Variants in HEMK1 observed in about 807,000 individuals in gnomAD.
The protein encoded by HEMK1 is HemK methyltransferase 1, mitochondrial release factors N(5)-glutamine, also known as MTRF1L release factor glutamine methyltransferase.
A neutral mutation model predicts 47.9 loss-of-function variants in HEMK1; 36 were observed. The observed-to-expected ratio is 0.75, with a 90% confidence interval of 0.58 to 0.99. The LOEUF (loss-of-function observed/expected upper bound fraction) is 0.99. Among genes scored for constraint, HEMK1 ranks in the 50% least tolerant of loss-of-function variants. The pLI is 0.00. For missense variants in HEMK1, 383 were observed against 434.5 expected, an observed-to-expected ratio of 0.88 and a Z score of 1.05; for synonymous variants, 153 against 165.4, an observed-to-expected ratio of 0.93 and a Z score of 0.57.
At position 50,571,648 on chromosome 3, in the gene HEMK1, G is replaced by A. The variant is rs888222996; in HGVS notation, c.229-62G>A. The A allele has an allele frequency of 8.9e-6, 13 of 1,465,138 alleles. No individual in the cohort carries two copies. In the Admixed American group the frequency reaches 2.2e-4, roughly 24 times the overall value. The allele number at this position is 1,465,138 out of a possible 1,614,324, so 90.8% of individuals were successfully genotyped here. A position where few individuals can be genotyped will look rare whatever the true frequency, so the allele number is the denominator to read the frequency against. Reference sequence around the variant, plus strand: ...TGCTGGGCAGGCATTATCCACATAAGACACCTGGGTTGGGGGCCTTGGGCC... The same window carrying A: ...TGCTGGGCAGGCATTATCCACATAAAACACCTGGGTTGGGGGCCTTGGGCC... On this transcript the variant is annotated intron_variant, in intron 2 of 10. Transcript: ENST00000232854.
intron 2 of HEMK1, 167 bp from the exon 3 acceptor site, chr3:50,571,543 C>T (rs1700957297): frequency 1.4e-6 from 1 of 724,258 alleles, no homozygotes; most frequent in Admixed American, 2.4e-5. Flanking sequence ...ACCTGGAAGC[C>T]TGGTGTTAGC....
rs903593518 is a variant in HEMK1, at chr3:50,577,524, G to A, written c.565G>A (p.Val189Met). ...SQLPQSRVIAVDKREAAISLT... is the reference protein window; with the variant it reads ...SQLPQSRVIAMDKREAAISLT... Reference sequence around the variant, plus strand: ...CTTGGGACAGAGCCGAGTCATTGCTGTGGATAAGCGGGAAGCTGCTATCTC... The same window carrying A: ...CTTGGGACAGAGCCGAGTCATTGCTATGGATAAGCGGGAAGCTGCTATCTC... The change falls in exon 6 of 11, where the codon GTG (valine) becomes ATG (methionine). Residue 189 changes from valine to methionine, a missense_variant. Transcript: ENST00000232854. 1.2e-6 allele frequency: 2 copies of A among 1,614,006 alleles called. No individual in the cohort carries two copies. The highest frequency in any genetic ancestry group is 1.1e-5 in the South Asian group (1 of 91,084).
At position 50,595,810 on chromosome 3, in the gene HEMK1, G is replaced by A. The variant is rs935405802; in HGVS notation, c.*15393G>A. ...AGAGAGACAACACTATATAGGCATC[G>A]ATGTATTTCTGGGGTGACTCTCTTT... On this transcript the variant is annotated 3_prime_UTR_variant, in exon 11 of 11. Coordinates refer to ENST00000232854, the MANE Select transcript of HEMK1 (RefSeq NM_016173.5). The A allele has an allele frequency of 3.3e-5, 5 of 152,258 alleles. No individual in the cohort carries two copies. In the Middle Eastern group the frequency reaches 0.01, roughly 311 times the overall value. The allele number at this position is 152,258 out of a possible 1,614,324, so 9.4% of individuals were successfully genotyped here.
In HEMK1 at chr3:50,580,487, AG is replaced by A; in HGVS notation, c.*71del. On this transcript the variant is annotated 3_prime_UTR_variant, in exon 11 of 11. Transcript: ENST00000232854. ...AGAGGGGAGGTGGATGGCACTTTCC[AG>A]AGCCCAGGTTCTTATGGCATTTCCC... 1 of 1,480,706 alleles carries A rather than the reference AG, an allele frequency of 6.8e-7. No homozygotes were observed. Among genetic ancestry groups the A allele is most frequent in the Middle Eastern group, 1.7e-4 (1 of 5,810 alleles). 91.7% of individuals were successfully genotyped at this position (1,480,706 alleles called of 1,614,324 possible). A position where few individuals can be genotyped will look rare whatever the true frequency, so the allele number is the denominator to read the frequency against.
chr3:50,572,081 G>A (rs1288292926), intron 3 of HEMK1, 34 bp from the exon 4 acceptor site: 5 of 1,612,102 alleles, frequency 3.1e-6, no homozygotes, highest in South Asian at 1.1e-5. Flanking sequence ...TCCTAGCTCT[G>A]TCCCTGATGA....
intron 5 of HEMK1, 22 bp from the exon 6 acceptor site, chr3:50,577,487 C>T (rs1472714389): frequency 6.2e-7 from 1 of 1,612,020 alleles, no homozygotes; most frequent in East Asian, 2.2e-5. Context: ...TTCCACATAT[C>T]CTCTGTTTGT....
chr3:50,580,739 C>G lies in HEMK1; in HGVS notation c.*322C>G, dbSNP rs1034182525. The G allele has an allele frequency of 2.4e-6, 1 of 415,346 alleles. No homozygotes were observed. Among genetic ancestry groups the G allele is most frequent in the Non-Finnish European group, 4.4e-6 (1 of 227,632 alleles). The allele number at this position is 415,346 out of a possible 1,614,324, so 25.7% of individuals were successfully genotyped here. ...CTGACCCCCTTACTCCCAGGTAGCA[C>G]TGGGGCAAGGGTTTCCTTCTGCCCC... On this transcript the variant is annotated 3_prime_UTR_variant, in exon 11 of 11. Coordinates refer to ENST00000232854, the MANE Select transcript of HEMK1 (RefSeq NM_016173.5).
At chr3:50,575,908 CT>C (rs1230629663) in intron 4 of HEMK1, among the ~76,000 whole-genome samples, 4 of 152,248 alleles carry the variant, frequency 2.6e-5, no homozygotes, top group African/African-American at 9.6e-5. Context: ...CCCTTTACCC[CT>C]ACCCTATGTT....
intron 9 of HEMK1, 38 bp downstream of exon 9, chr3:50,579,977 A>G (rs375763554): frequency 5.7e-6 from 9 of 1,572,732 alleles, no homozygotes; most frequent in African/African-American, 1.4e-5. Context: ...TGTCCCCAGC[A>G]GGCTCCTCTG....
chr3:50,584,229 G>A lies in HEMK1; in HGVS notation c.*3812G>A, dbSNP rs901396813. ...CTTGGCTTCAGCCAGCCCCCAGCCA[G>A]AGTCCTGGCTAGGACAGTGACCTGA... is the stretch of plus-strand genomic sequence containing the variant. On this transcript the variant is annotated 3_prime_UTR_variant, in exon 11 of 11. Coordinates refer to ENST00000232854, the MANE Select transcript of HEMK1 (RefSeq NM_016173.5). The A allele has an allele frequency of 6.6e-6, 1 of 152,234 alleles. No homozygotes were observed. Among genetic ancestry groups the A allele is most frequent in the African/African-American group, 2.4e-5 (1 of 41,450 alleles). The allele number at this position is 152,234 out of a possible 1,614,324, so 9.4% of individuals were successfully genotyped here.
Position 50,571,129 on chromosome 3 carries a change from TG to T in HEMK1, c.28del (p.Ala10ProfsTer33), listed in dbSNP as rs749244973. On this transcript the variant is annotated frameshift_variant, in exon 2 of 11. Transcript: ENST00000232854. LOFTEE classifies it high-confidence loss of function. The part of the protein sequence containing the change: MELWGRML[W>X]ALLSGPGRRG... ...CATGGAGCTTTGGGGCCGAATGCTG[TG>T]GGCCCTCCTGTCTGGCCCAGGGAGG... is the stretch of plus-strand genomic sequence containing the variant. The T allele has an allele frequency of 1.7e-4, 279 of 1,605,136 alleles. No homozygotes were observed. The highest frequency in any genetic ancestry group is 2.3e-4 in the Non-Finnish European group (271 of 1,175,938).
In HEMK1 at chr3:50,585,011, T is replaced by G. The variant is rs1015359429; in HGVS notation, c.*4594T>G. On this transcript the variant is annotated 3_prime_UTR_variant, in exon 11 of 11. Transcript: ENST00000232854. ...CCTAAACTGCCCAGGCCCCCCCTTT[T>G]TTTACTCATATTTGGAGAGAGGTGG... 5 of 152,196 alleles carry G rather than the reference T, an allele frequency of 3.3e-5. No homozygotes were observed. Among genetic ancestry groups the G allele is most frequent in the Non-Finnish European group, 7.3e-5 (5 of 68,046 alleles). The allele number at this position is 152,196 out of a possible 1,614,324, so 9.4% of individuals were successfully genotyped here. A position where few individuals can be genotyped will look rare whatever the true frequency, so the allele number is the denominator to read the frequency against.
intron 3 of HEMK1, 136 bp downstream of exon 3, chr3:50,571,937 G>T: frequency 7.7e-7 from 1 of 1,290,698 alleles, no homozygotes; most frequent in Non-Finnish European, 1.1e-6. Flanking sequence ...TGGCAAGAGT[G>T]GGGCCGGGGT....
intron 4 of HEMK1, among the ~76,000 whole-genome samples, chr3:50,573,030 G>A (rs1346940186): frequency 6.6e-6 from 1 of 152,190 alleles, no homozygotes; most frequent in Admixed American, 6.5e-5. Context: ...CCCCTGCTGT[G>A]GCCAGGGGGC....
chr3:50,577,385 A>G, intron 5 of HEMK1, 124 bp from the exon 6 acceptor site: 1 of 1,202,866 alleles, frequency 8.3e-7, no homozygotes, highest in East Asian at 2.3e-5. Context: ...GGCCAAGAAG[A>G]AAAGGCTGTT....
intron 4 of HEMK1, among the ~76,000 whole-genome samples, chr3:50,574,148 C>T (rs906099528): frequency 6.6e-6 from 1 of 152,348 alleles, no homozygotes; most frequent in East Asian, 1.9e-4. Flanking sequence ...CTGCCCCTCA[C>T]CTCTTTCCCG....
intron 4 of HEMK1, among the ~76,000 whole-genome samples, chr3:50,573,088 A>T (rs1176038779): frequency 1.3e-5 from 2 of 151,808 alleles, no homozygotes; most frequent in Admixed American, 1.3e-4. Flanking sequence ...TAGCCAAGAA[A>T]CTCTCTGACC....
At chr3:50,575,020 G>A (rs561325161) in intron 4 of HEMK1, among the ~76,000 whole-genome samples, 2 of 152,282 alleles carry the variant, frequency 1.3e-5, no homozygotes, top group African/African-American at 2.4e-5. Context: ...TGAGTGATCT[G>A]GAGCCCTCTG....
intron 8 of HEMK1, 32 bp from the exon 9 acceptor site, chr3:50,579,812 A>C: frequency 1.3e-6 from 2 of 1,526,370 alleles, no homozygotes; most frequent in Non-Finnish European, 1.8e-6. Flanking sequence ...CCCCTTTCTC[A>C]GGCTGTCACC....
Sources: allele counts gnomAD v4.1 joint callset (sites outside exome capture counted in the v4.1 genomes callset), GRCh38; gene constraint gnomAD v4.1.1; transcripts MANE v1.5; gene names NCBI Gene and HGNC (gene_info 2026-07-23, HGNC 2026-07-21).